The following SH3PXD2B variants were observed in gnomAD, a reference collection of about 807,000 sequenced individuals.
The protein encoded by SH3PXD2B is SH3 and PX domains 2B.
A neutral mutation model predicts 73.1 loss-of-function variants in SH3PXD2B; 37 were observed. That is an observed-to-expected ratio of 0.51 (90% confidence interval 0.39 to 0.67). The LOEUF is 0.67. Among genes scored for constraint, SH3PXD2B ranks in the 30% least tolerant of loss-of-function variants. The pLI, the probability that SH3PXD2B is intolerant of heterozygous loss-of-function variation, is 0.00. For missense variants in SH3PXD2B, 1,053 were observed against 1,197.8 expected, an observed-to-expected ratio of 0.88 and a Z score of 1.78; for synonymous variants, 457 against 480.5, an observed-to-expected ratio of 0.95 and a Z score of 0.64.
intron 2 of SH3PXD2B, among the ~76,000 whole-genome samples, chr5:172,419,938 C>T (rs1313402935): frequency 6.6e-6 from 1 of 152,186 alleles, no homozygotes; most frequent in Non-Finnish European, 1.5e-5. Context: ...ACCTAACACT[C>T]ACTCTTTGAA....
chr5:172,453,735 C>G (rs1759855051), intron 1 of SH3PXD2B, among the ~76,000 whole-genome samples: 1 of 152,190 alleles, frequency 6.6e-6, no homozygotes, highest in Non-Finnish European at 1.5e-5. Context: ...CCTTTAAAGG[C>G]GTAGCCACTC....
chr5:172,366,029 A>G (rs1757512329), intron 6 of SH3PXD2B, among the ~76,000 whole-genome samples: 1 of 152,158 alleles, frequency 6.6e-6, no homozygotes, highest in South Asian at 2.1e-4. Context: ...GAAAGGAAAG[A>G]GAAAAAGCAC....
At chr5:172,426,716 C>A (rs1296414073) in intron 1 of SH3PXD2B, among the ~76,000 whole-genome samples, 1 of 152,166 alleles carries the variant, frequency 6.6e-6, no homozygotes, top group East Asian at 1.9e-4. Flanking sequence ...TGATGGCAGT[C>A]TCAGGGGACA....
At chr5:172,355,946 G>C (rs1352188458) in intron 8 of SH3PXD2B, among the ~76,000 whole-genome samples, 3 of 152,182 alleles carry the variant, frequency 2.0e-5, no homozygotes, top group African/African-American at 7.2e-5. Context: ...CTGCAGGCCT[G>C]CGGGGGCTTC....
rs546078670 is a variant in SH3PXD2B, at chr5:172,367,520, G to A, written c.428-4651C>T. Among the ~76,000 whole-genome samples, 20 of 151,968 alleles carry A rather than the reference G, an allele frequency of 1.3e-4. No individual in the cohort carries two copies. The East Asian group carries it at 2.3e-3, about 18-fold the overall frequency. ...TGGGATTACAGTTGTGAGCCACTGC[G>A]CCTGGCCTTTTGATACCTTATTAGA... is the stretch of plus-strand genomic sequence containing the variant. On this transcript the variant is annotated intron_variant, in intron 6 of 12. Coordinates refer to ENST00000311601, the MANE Select transcript of SH3PXD2B (RefSeq NM_001017995.3).
intron 10 of SH3PXD2B, among the ~76,000 whole-genome samples, chr5:172,350,130 C>T (rs1412646517): frequency 6.6e-6 from 1 of 152,218 alleles, no homozygotes; most frequent in East Asian, 1.9e-4. Context: ...GCTGGGATTA[C>T]AGGTGTGAGC....
chr5:172,381,995 G>T, intron 5 of SH3PXD2B, 41 bp downstream of exon 5: 2 of 1,510,472 alleles, frequency 1.3e-6, no homozygotes, highest in Non-Finnish European at 9.1e-7. Flanking sequence ...AGGAGGGAGG[G>T]CTGTGGGGCT....
chr5:172,387,553 G>C (rs1341850772), intron 4 of SH3PXD2B, among the ~76,000 whole-genome samples: 2 of 152,128 alleles, frequency 1.3e-5, no homozygotes, highest in Non-Finnish European at 2.9e-5. Context: ...CTCTTCTTGA[G>C]GATTTTACTG....
chr5:172,395,646 C>T (rs1758276132), intron 3 of SH3PXD2B, among the ~76,000 whole-genome samples: 1 of 152,200 alleles, frequency 6.6e-6, no homozygotes, highest in Non-Finnish European at 1.5e-5. Flanking sequence ...GATATCCTCT[C>T]TTGGGGAGAT....
rs11296369 is a variant in SH3PXD2B, at chr5:172,393,949, ATT to A, written c.309+612_309+613del. On this transcript the variant is annotated intron_variant, in intron 4 of 12. Transcript: ENST00000311601. ...GGTCATTAAAAGTAGGCTTAAGAGG[ATT>A]TTTTTTTTTTTGAGACAGAGCCTCA... 1.1e-3 allele frequency among the ~76,000 whole-genome samples: 158 copies of A among 148,456 alleles called. 1 individual carries two copies. Among genetic ancestry groups the A allele is most frequent in the Admixed American group, 7.4e-4 (11 of 14,948 alleles).
At chr5:172,388,769 C>T (rs1274955714) in intron 4 of SH3PXD2B, among the ~76,000 whole-genome samples, 1 of 152,216 alleles carries the variant, frequency 6.6e-6, no homozygotes, top group African/African-American at 2.4e-5. Flanking sequence ...AAGTTATGAA[C>T]TGGAACTTCC....
chr5:172,346,072 A>G lies in SH3PXD2B; in HGVS notation c.1188+64T>C, dbSNP rs550876300. 3.1e-6 allele frequency: 5 copies of G among 1,611,208 alleles called. No individual in the cohort carries two copies. In the South Asian group the frequency reaches 4.4e-5, roughly 14 times the overall value. ...AGTGAAGTAGGAGGTGACAGGGGAG[A>G]AGTAGGAGGTGATGCCTGGAATCAG... On this transcript the variant is annotated intron_variant, in intron 12 of 12. Coordinates refer to ENST00000311601, the MANE Select transcript of SH3PXD2B (RefSeq NM_001017995.3).
At chr5:172,365,015 T>G (rs1490782221) in intron 6 of SH3PXD2B, among the ~76,000 whole-genome samples, 1 of 151,960 alleles carries the variant, frequency 6.6e-6, no homozygotes, top group Admixed American at 6.6e-5. Flanking sequence ...TGTAGCTGGG[T>G]GAAGGGTACT....
In SH3PXD2B at chr5:172,382,094, A is replaced by G. The variant is rs1757960958; in HGVS notation, c.343T>C (p.Cys115Arg). 6.2e-7 allele frequency: 1 copy of G among 1,611,582 alleles called. No individual in the cohort carries two copies. The highest frequency in any genetic ancestry group is 8.5e-7 in the Non-Finnish European group (1 of 1,179,086). The change falls in exon 5 of 13, where the codon TGT becomes CGT. Residue 115 changes from cysteine (C) to arginine (R), a missense_variant. This residue lies in a region of SH3PXD2B where 466 missense variants were observed against 607.1 expected (regional missense o/e 0.77). Transcript: ENST00000311601. The stretch of plus-strand genomic sequence containing the variant: ...TCAAAGAACTGCAGCACCTCATCAC[A>G]CTGAGAGATGTAGGGGGGCAGCTGG... ...LIQLPPYISQ[C>R]DEVLQFFETR...
Position 172,338,964 on chromosome 5 carries a change from C to T in SH3PXD2B, c.2141G>A (p.Gly714Asp). The T allele has an allele frequency of 6.2e-7, 1 of 1,614,114 alleles. No homozygotes were observed. The change falls in exon 13 of 13, where the codon GGC (glycine) becomes GAC (aspartate). Residue 714 changes from glycine (G) to aspartate (D), a missense_variant. By Grantham distance (94) the Gly-to-Asp change is moderately conservative. Coordinates refer to ENST00000311601, the MANE Select transcript of SH3PXD2B (RefSeq NM_001017995.3). The surrounding 1 kb of genome is among the most constrained non-coding windows in gnomAD (Gnocchi z 5.1). ...TTTTGGGCTGAGACCATCCTGTTTG[C>T]CCGTCCTGTCCTGGGCGCGGCCAGG... Reference protein sequence around the residue: ...EGPGRAQDRTGKQDGLSPKEI... With the variant: ...EGPGRAQDRTDKQDGLSPKEI...
chr5:172,404,851 T>C (rs1758516054), intron 3 of SH3PXD2B, among the ~76,000 whole-genome samples: 1 of 152,230 alleles, frequency 6.6e-6, no homozygotes. Flanking sequence ...CCAGGTTGTC[T>C]GACTCCAGGC....
rs146560444 is a variant in SH3PXD2B at position 172,391,661 on chromosome 5, C to T, written c.309+2902G>A. 4.9e-3 allele frequency among the ~76,000 whole-genome samples: 747 copies of T among 152,258 alleles called. 6 individuals carry two copies. The highest frequency in any genetic ancestry group is 0.017 in the African/African-American group (709 of 41,548). On this transcript the variant is annotated intron_variant, in intron 4 of 12. Coordinates refer to ENST00000311601, the MANE Select transcript of SH3PXD2B (RefSeq NM_001017995.3). ...TATTTTTAGTAGAGATGAGGTTTCA[C>T]CAAGTTGGCCAGGCTGGTCTCAAAC... is the stretch of plus-strand genomic sequence containing the variant.
At chr5:172,419,417 G>C (rs1296909337) in intron 2 of SH3PXD2B, among the ~76,000 whole-genome samples, 1 of 152,136 alleles carries the variant, frequency 6.6e-6, no homozygotes, top group Non-Finnish European at 1.5e-5. Flanking sequence ...TATGATCCAG[G>C]GCCCTTAGGA....
intron 4 of SH3PXD2B, among the ~76,000 whole-genome samples, chr5:172,383,562 C>G (rs893644603): frequency 2.0e-5 from 3 of 152,226 alleles, no homozygotes; most frequent in Non-Finnish European, 2.9e-5. Flanking sequence ...GGCCCGGGCC[C>G]TGGACCAGGG....
Sources: gnomAD v4.1 joint callset for allele counts (sites outside exome capture counted in the v4.1 genomes callset) on GRCh38, gnomAD v4.1.1 for gene constraint, gnomAD v4.1.1 regional missense constraint, Gnocchi (gnomAD v3.1) non-coding constraint, MANE v1.5 for transcripts, NCBI Gene and HGNC (gene_info 2026-07-23, HGNC 2026-07-21) for gene names.